The following NEXMIF variants were observed in gnomAD, a reference collection of about 807,000 sequenced individuals.
NEXMIF encodes neurite extension and migration factor, also known as XLMR protein related to neurite extension.
NEXMIF carries 8 observed loss-of-function variants against 62.1 expected under a neutral mutation model. That is an observed-to-expected ratio of 0.13 (90% confidence interval 0.08 to 0.23). The LOEUF (loss-of-function observed/expected upper bound fraction) is 0.23. Ranked by LOEUF, NEXMIF falls within the 10% of genes least tolerant of loss-of-function variation. The probability of loss-of-function intolerance (pLI) is 1.00; values close to 1 mark genes in which losing one functional copy is unlikely to be tolerated. For missense variants in NEXMIF, 976 were observed against 1,113.3 expected (o/e 0.88, Z 1.75); for synonymous variants, 404 against 416.6 (o/e 0.97, Z 0.37).
At chrX:74,769,654 G>T in intron 1 of NEXMIF, 1 of 696,054 alleles carries the variant, frequency 1.4e-6, no homozygotes, top group South Asian at 2.2e-5. Flanking sequence ...TTTGTAAGAC[G>T]AACTCTGTGG....
intron 1 of NEXMIF, among the ~76,000 whole-genome samples, chrX:74,798,699 C>T (rs2080319832): frequency 9.0e-6 from 1 of 111,434 alleles, no homozygotes. Flanking sequence ...ATTTCTCCCA[C>T]AAAGAAACAA....
intron 1 of NEXMIF, among the ~76,000 whole-genome samples, chrX:74,816,154 CTCTT>C (rs2080375379): frequency 8.9e-6 from 1 of 111,863 alleles, no homozygotes; most frequent in Admixed American, 9.5e-5. Context: ...TCACAACAAC[CTCTT>C]TCTTTCTTTA....
At chrX:74,870,071 A>C (rs2147503867) in intron 1 of NEXMIF, among the ~76,000 whole-genome samples, 1 of 111,856 alleles carries the variant, frequency 8.9e-6, no homozygotes, top group South Asian at 3.7e-4. Context: ...TTCTCAAATT[A>C]TACTACAGAG....
chrX:74,790,389 C>A (rs1474826080), intron 1 of NEXMIF, among the ~76,000 whole-genome samples: 2 of 113,292 alleles, frequency 1.8e-5, no homozygotes, highest in African/African-American at 6.4e-5. Flanking sequence ...CCTTGTAGTA[C>A]AGTTTGAAGT....
chrX:74,808,231 C>A (rs1270815783), intron 1 of NEXMIF, among the ~76,000 whole-genome samples: 1 of 110,444 alleles, frequency 9.1e-6, no homozygotes, highest in African/African-American at 3.3e-5. Flanking sequence ...TGGTACAACC[C>A]TGTCTCTACT....
rs2080118634 is a variant in NEXMIF, at chrX:74,744,301, C to A, written c.256G>T (p.Ala86Ser). 1.7e-6 allele frequency: 2 copies of A among 1,209,638 alleles called. No homozygotes were observed. Among genetic ancestry groups the A allele is most frequent in the Non-Finnish European group, 2.2e-6 (2 of 895,119 alleles). ...GCACTATTAGCAGCATGTTCGGGTG[C>A]TTCAATCAGGCCCAAAGGAGAGGGC... ...SPPSPLGLIE[A>S]PEHAANSASV... The change falls in exon 3 of 4, where the codon GCA (alanine) becomes TCA (serine). Residue 86 changes from alanine to serine, a missense_variant. By Grantham distance (99) the Ala-to-Ser change is moderately conservative. Coordinates refer to ENST00000055682, the MANE Select transcript of NEXMIF (RefSeq NM_001008537.3).
chrX:74,767,854 C>T (rs2080199156), intron 1 of NEXMIF, among the ~76,000 whole-genome samples: 1 of 112,327 alleles, frequency 8.9e-6, no homozygotes, highest in South Asian at 3.7e-4. Flanking sequence ...CTATTGGTGG[C>T]TGGTTAAAGT....
intron 1 of NEXMIF, among the ~76,000 whole-genome samples, chrX:74,880,182 A>G (rs1005218497): frequency 3.6e-5 from 4 of 111,547 alleles, no homozygotes; most frequent in Non-Finnish European, 7.5e-5. Flanking sequence ...TTTCCACATC[A>G]CCTTACGTTA....
chrX:74,846,799 T>C (rs978427187), intron 1 of NEXMIF, among the ~76,000 whole-genome samples: 1 of 112,191 alleles, frequency 8.9e-6, no homozygotes, highest in African/African-American at 3.2e-5. Context: ...TTAACTATAA[T>C]AGGTTTTTCT....
intron 1 of NEXMIF, among the ~76,000 whole-genome samples, chrX:74,913,331 T>C (rs999639295): frequency 9.9e-5 from 11 of 111,434 alleles, no homozygotes; most frequent in African/African-American, 3.6e-4. Flanking sequence ...AACTTGAAAA[T>C]ATAATGATAG....
At chrX:74,773,908 CAAAAAAAAAAAAA>C (rs61514458) in intron 1 of NEXMIF, among the ~76,000 whole-genome samples, 1 of 38,082 alleles carries the variant, frequency 2.6e-5, no homozygotes, top group South Asian at 3.7e-3. Flanking sequence ...GACTCCGTCT[CAAAAAAAAAAAAA>C]AAAAAAAAAA....
chrX:74,738,839 TATATATATAC>T lies in NEXMIF; in HGVS notation c.*556_*565del, dbSNP rs1569334321. 1 of 108,070 alleles carries T rather than the reference TATATATATAC, an allele frequency of 9.3e-6. No individual in the cohort carries two copies. Among genetic ancestry groups the T allele is most frequent in the Non-Finnish European group, 1.9e-5 (1 of 52,210 alleles). 8.9% of individuals were successfully genotyped at this position (108,070 alleles called of 1,213,427 possible). On this transcript the variant is annotated 3_prime_UTR_variant, in exon 4 of 4. Transcript: ENST00000055682. ...TTAAAAGAACGTGTGTGTGTGTATA[TATATATATAC>T]ATATATATACACACACACACACACA...
At chrX:74,908,587 C>T (rs952891715) in intron 1 of NEXMIF, among the ~76,000 whole-genome samples, 3 of 112,529 alleles carry the variant, frequency 2.7e-5, no homozygotes, top group African/African-American at 6.5e-5. Context: ...CCCACTATTT[C>T]GACAATAAAC....
chrX:74,920,952 A>C (rs1159202606), intron 1 of NEXMIF, among the ~76,000 whole-genome samples: 1 of 111,393 alleles, frequency 9.0e-6, no homozygotes, highest in Non-Finnish European at 1.9e-5. Flanking sequence ...GAAGCTGAAA[A>C]TTTTTTTAAT....
intron 1 of NEXMIF, among the ~76,000 whole-genome samples, chrX:74,887,611 C>A (rs2080700650): frequency 1.8e-5 from 2 of 110,875 alleles, no homozygotes; most frequent in Admixed American, 1.9e-4. Flanking sequence ...CATCTCACAC[C>A]AGTTAGAATG....
intron 1 of NEXMIF, among the ~76,000 whole-genome samples, chrX:74,806,364 T>C (rs1237140912): frequency 9.9e-5 from 11 of 111,217 alleles, no homozygotes; most frequent in Admixed American, 9.6e-4. Flanking sequence ...AACCTCAGCA[T>C]CATGCAACAT....
chrX:74,897,351 C>A (rs1015521111), intron 1 of NEXMIF, among the ~76,000 whole-genome samples: 1 of 111,784 alleles, frequency 8.9e-6, no homozygotes, highest in Admixed American at 9.5e-5. Flanking sequence ...TCCTAAATAG[C>A]TTTGAAAAAT....
chrX:74,862,742 G>T (rs1349221766), intron 1 of NEXMIF, among the ~76,000 whole-genome samples: 2 of 111,814 alleles, frequency 1.8e-5, no homozygotes, highest in Admixed American at 9.5e-5. Flanking sequence ...TGACTACTGG[G>T]TAAATAAAGA....
intron 1 of NEXMIF, among the ~76,000 whole-genome samples, chrX:74,872,243 C>A (rs1432010697): frequency 1.8e-5 from 2 of 111,012 alleles, no homozygotes; most frequent in Non-Finnish European, 3.8e-5. Flanking sequence ...GCTACTGGGC[C>A]ATAAAAAGAA....
Sources: gnomAD v4.1 joint callset for allele counts (sites outside exome capture counted in the v4.1 genomes callset) on GRCh38, gnomAD v4.1.1 for gene constraint, MANE v1.5 for transcripts, NCBI Gene and HGNC (gene_info 2026-07-23, HGNC 2026-07-21) for gene names.